The following DCDC1 variants were observed in gnomAD, a reference collection of about 807,000 sequenced individuals.
The protein encoded by DCDC1 is doublecortin domain-containing protein 1.
A neutral mutation model predicts 178.3 loss-of-function variants in DCDC1; 200 were observed. The ratio of observed to expected loss-of-function variants is 1.12; its 90% CI spans 1.00 to 1.26. The LOEUF (loss-of-function observed/expected upper bound fraction) is 1.26. DCDC1 is among the 50% of genes most tolerant of loss of function. The pLI is 0.00. For missense variants in DCDC1, 1,983 were observed against 1,749.2 expected, an observed-to-expected ratio of 1.13 and a Z score of -2.38; for synonymous variants, 690 against 604.8, an observed-to-expected ratio of 1.14 and a Z score of -2.07.
intron 9 of DCDC1, among the ~76,000 whole-genome samples, chr11:31,238,018 A>G (rs570160473): frequency 8.5e-5 from 13 of 152,134 alleles, no homozygotes; most frequent in African/African-American, 2.9e-4. Context: ...ATCTATAAGA[A>G]CTGTTAGGCC....
chr11:30,876,637 C>T (rs942157865), intron 38 of DCDC1, among the ~76,000 whole-genome samples: 6 of 152,142 alleles, frequency 3.9e-5, no homozygotes, highest in Non-Finnish European at 5.9e-5. Context: ...TACCAATTTT[C>T]GCTTCAGGCG....
At chr11:31,006,719 A>C (rs1951866677) in intron 20 of DCDC1, among the ~76,000 whole-genome samples, 1 of 151,978 alleles carries the variant, frequency 6.6e-6, no homozygotes, top group African/African-American at 2.4e-5. Context: ...TATTCGCTCT[A>C]ACTAACAATA....
chr11:30,976,017 G>T (rs1950080675), intron 20 of DCDC1, among the ~76,000 whole-genome samples: 2 of 152,010 alleles, frequency 1.3e-5, no homozygotes, highest in South Asian at 4.1e-4. Flanking sequence ...CAGACAAATG[G>T]ACCAATGAAG....
At chr11:31,003,771 T>C (rs1466317661) in intron 20 of DCDC1, among the ~76,000 whole-genome samples, 4 of 152,210 alleles carry the variant, frequency 2.6e-5, no homozygotes, top group Non-Finnish European at 2.9e-5. Context: ...TTAAGCAGTG[T>C]GATACCACTG....
At chr11:31,095,590 C>G (rs1019239577) in intron 15 of DCDC1, among the ~76,000 whole-genome samples, 1 of 152,038 alleles carries the variant, frequency 6.6e-6, no homozygotes, top group Admixed American at 6.6e-5. Flanking sequence ...CACACAATCT[C>G]CTAAGAATAA....
chr11:31,106,654 C>G (rs1272438353), intron 13 of DCDC1, 143 bp downstream of exon 13: 1 of 639,514 alleles, frequency 1.6e-6, no homozygotes, highest in African/African-American at 1.8e-5. Context: ...ACAATACTGC[C>G]TTGCAAAAAC....
chr11:30,904,862 G>A (rs1944947648), intron 31 of DCDC1, 99 bp downstream of exon 31: 27 of 1,383,132 alleles, frequency 2.0e-5, no homozygotes, highest in Admixed American at 5.4e-5. Context: ...ATCTGGCCAG[G>A]GACATTTATC....
At position 31,238,092 on chromosome 11, in the gene DCDC1, TA is replaced by T. The variant is rs894902045; in HGVS notation, c.1221+3357del. 6.4e-3 allele frequency among the ~76,000 whole-genome samples: 937 copies of T among 145,380 alleles called. 6 individuals are homozygous for T. Among genetic ancestry groups the T allele is most frequent in the African/African-American group, 0.017 (689 of 40,000 alleles). ...TATGAGTGCTTTCAAAAATTGTATT[TA>T]AAAAAAAAAAAGTACTATGCATTCT... On this transcript the variant is annotated intron_variant, in intron 9 of 38. Coordinates refer to ENST00000684477, the MANE Select transcript of DCDC1 (RefSeq NM_001387274.1).
intron 20 of DCDC1, among the ~76,000 whole-genome samples, chr11:31,022,679 GTGT>G: frequency 6.7e-6 from 1 of 149,454 alleles, no homozygotes; most frequent in Middle Eastern, 3.4e-3. Flanking sequence ...GTGTGTGTGT[GTGT>G]GTGTGGTATG....
chr11:30,909,271 G>A (rs972978460), intron 28 of DCDC1, among the ~76,000 whole-genome samples, 155 bp from the exon 29 acceptor site: 5 of 152,120 alleles, frequency 3.3e-5, no homozygotes, highest in Admixed American at 3.3e-4. Flanking sequence ...GATTAGACAT[G>A]CAATCTTTTA....
At chr11:31,001,615 A>C (rs192369998) in intron 20 of DCDC1, among the ~76,000 whole-genome samples, 96 of 152,324 alleles carry the variant, frequency 6.3e-4, no homozygotes, top group African/African-American at 2.2e-3. Context: ...GGCAGCATAT[A>C]CTACACACTG....
intron 1 of DCDC1, among the ~76,000 whole-genome samples, chr11:31,342,216 C>T (rs1471788662): frequency 6.6e-6 from 1 of 152,208 alleles, no homozygotes; most frequent in Non-Finnish European, 1.5e-5. Context: ...ACACTTGCTG[C>T]TAACTAAGCA....
chr11:30,892,047 A>C (rs1417162674), intron 36 of DCDC1, among the ~76,000 whole-genome samples: 9 of 152,200 alleles, frequency 5.9e-5, no homozygotes. Flanking sequence ...GTCCCAGAAA[A>C]ATTCATGAAA....
rs865908732 is a variant in DCDC1 at position 31,123,723 on chromosome 11, A to C, written c.1485+3746T>G. On this transcript the variant is annotated intron_variant, in intron 11 of 38. Transcript: ENST00000684477. ...GAGGAAGCAGAAGCAAATGGAGCTG[A>C]GTACTTTATAGGGGAAAAAAATCAT... 2.0e-5 allele frequency among the ~76,000 whole-genome samples: 3 copies of C among 152,076 alleles called. No individual in the cohort carries two copies. In the South Asian group the frequency reaches 6.2e-4, roughly 31 times the overall value.
intron 9 of DCDC1, among the ~76,000 whole-genome samples, chr11:31,145,713 AGACGT>A (rs1964365804): frequency 6.6e-6 from 1 of 152,222 alleles, no homozygotes; most frequent in Non-Finnish European, 1.5e-5. Context: ...ACAGCCTGGC[AGACGT>A]GATTCTCAGC....
Position 30,916,883 on chromosome 11 carries a change from G to C in DCDC1, c.3439C>G (p.Gln1147Glu). The change falls in exon 26 of 39, where the codon CAG (glutamine) becomes GAG (glutamate). Residue 1147 changes from glutamine to glutamate, a missense_variant. By Grantham distance (29) the Gln-to-Glu change is conservative. Coordinates refer to ENST00000684477, the MANE Select transcript of DCDC1 (RefSeq NM_001387274.1). Reference protein sequence around the residue: ...EKGLFENVEPQKKHSCSPKHS... With the variant: ...EKGLFENVEPEKKHSCSPKHS... ...GCAACTTTTTACCTGTGTTTCTTCTGTGGTTCCACATTTTCAAAGAGCCCT... is the reference window on the plus strand; with the variant it reads ...GCAACTTTTTACCTGTGTTTCTTCTCTGGTTCCACATTTTCAAAGAGCCCT... 1 of 1,603,718 alleles carries C rather than the reference G, an allele frequency of 6.2e-7. No homozygotes were observed. The highest frequency in any genetic ancestry group is 8.5e-7 in the Non-Finnish European group (1 of 1,176,138).
At chr11:30,995,453 A>G (rs1252971215) in intron 20 of DCDC1, among the ~76,000 whole-genome samples, 1 of 152,194 alleles carries the variant, frequency 6.6e-6, no homozygotes, top group Non-Finnish European at 1.5e-5. Context: ...AGAATTGCCA[A>G]GTAATTCTGA....
At chr11:31,322,509 A>T (rs1949420135) in intron 3 of DCDC1, among the ~76,000 whole-genome samples, 1 of 152,206 alleles carries the variant, frequency 6.6e-6, no homozygotes, top group South Asian at 2.1e-4. Flanking sequence ...TGGCAGGTTA[A>T]GTAATCTGCT....
chr11:31,047,554 T>C (rs1954927180), intron 20 of DCDC1, among the ~76,000 whole-genome samples: 1 of 152,176 alleles, frequency 6.6e-6, no homozygotes, highest in African/African-American at 2.4e-5. Context: ...TTCTCAAGAG[T>C]AGACTATCAC....
Sources: allele counts gnomAD v4.1 joint callset (sites outside exome capture counted in the v4.1 genomes callset), GRCh38; gene constraint gnomAD v4.1.1; transcripts MANE v1.5; gene names NCBI Gene and HGNC (gene_info 2026-07-23, HGNC 2026-07-21).